Variants in MNS1 observed in about 807,000 individuals in gnomAD.
MNS1 encodes the protein meiosis-specific nuclear structural protein 1.
In MNS1, 63 loss-of-function variants were observed where a neutral mutation model predicts 72.0. That is an observed-to-expected ratio of 0.87 (90% CI 0.71 to 1.08). The LOEUF is 1.08. Ranked by LOEUF, MNS1 falls within the 50% of genes least tolerant of loss-of-function variation. The pLI is 0.00. For missense variants in MNS1, 604 were observed against 562.4 expected, an observed-to-expected ratio of 1.07 and a Z score of -0.75; for synonymous variants, 188 against 172.1, an observed-to-expected ratio of 1.09 and a Z score of -0.72.
intron 3 of MNS1, among the ~76,000 whole-genome samples, chr15:56,452,469 C>T (rs1394953102): frequency 2.0e-5 from 3 of 151,940 alleles, no homozygotes; most frequent in East Asian, 3.9e-4. Flanking sequence ...TCCAGACTCC[C>T]AGAAAGAAAA....
rs200267558 is a variant in MNS1 at position 56,434,144 on chromosome 15, T to C, written c.1263A>G (p.Ala421=). Residue 421 remains alanine (A), a synonymous_variant, in exon 8 of 10, where the codon GCA becomes GCG. Coordinates refer to ENST00000260453, the MANE Select transcript of MNS1 (RefSeq NM_018365.4). ...CCCCACAACTTTTTCTTACTTTGTC[T>C]GCAAGGAATTGTTGGCGACGCTCTT... The part of the protein sequence containing the change: ...LIEERRQQFL[A]DKQRELEEWQ... 423 of 1,609,066 alleles carry C rather than the reference T, an allele frequency of 2.6e-4. 4 individuals are homozygous for C. In the East Asian group the frequency reaches 9.3e-3, roughly 35 times the overall value.
Position 56,456,486 on chromosome 15 carries a change from G to A in MNS1, c.261C>T (p.Leu87=), listed in dbSNP as rs761399786. The A allele has an allele frequency of 1.9e-6, 3 of 1,611,188 alleles. No individual in the cohort carries two copies. The highest frequency in any genetic ancestry group is 2.5e-6 in the Non-Finnish European group (3 of 1,179,022). Residue 87 remains leucine, a synonymous_variant, in exon 3 of 10, where the codon CTC becomes CTT. Transcript: ENST00000260453. ...CCATAGCCAGTTTTTCTTCTTGTTT[G>A]AGCTGGAGTTCTTTCAATCTCTTGT... is the stretch of plus-strand genomic sequence containing the variant. ...EENKRLKELQ[L]KQEEKLAMEL...
intron 7 of MNS1, among the ~76,000 whole-genome samples, chr15:56,440,832 T>G (rs995965128): frequency 6.6e-6 from 1 of 152,202 alleles, no homozygotes; most frequent in East Asian, 1.9e-4. Flanking sequence ...TTTTAATAGC[T>G]GAATAACATT....
rs529820032 is a variant in MNS1, at chr15:56,443,509, C to T, written c.932G>A (p.Arg311Gln). 109 of 1,598,004 alleles carry T rather than the reference C, an allele frequency of 6.8e-5. No homozygotes were observed. Among genetic ancestry groups the T allele is most frequent in the East Asian group, 3.8e-4 (17 of 44,600 alleles). ...ALTQKLEEMLRQREDLEQVRQ... is the reference protein window; with the variant it reads ...ALTQKLEEMLQQREDLEQVRQ... ...CACTTGTTCCAAATCTTCACGTTGC[C>T]GCAGCATTTCTTCTAATTTCTGTGT... is the stretch of plus-strand genomic sequence containing the variant. Residue 311 changes from arginine (R) to glutamine (Q), a missense_variant, in exon 7 of 10, where the codon CGG (arginine) becomes CAG (glutamine). Coordinates refer to ENST00000260453, the MANE Select transcript of MNS1 (RefSeq NM_018365.4).
chr15:56,446,963 C>A lies in MNS1; in HGVS notation c.354-20G>T. ...TCAATGCTGTTTAAAAAAACAAAAA[C>A]AAATTTAAATGTTAGGACCATAAGA... is the stretch of plus-strand genomic sequence containing the variant. On this transcript the variant is annotated intron_variant, in intron 3 of 9. Coordinates refer to ENST00000260453, the MANE Select transcript of MNS1 (RefSeq NM_018365.4). The A allele has an allele frequency of 1.3e-6, 2 of 1,551,224 alleles. No homozygotes were observed. The highest frequency in any genetic ancestry group is 1.8e-6 in the Non-Finnish European group (2 of 1,132,568).
At chr15:56,438,706 C>T (rs1318131832) in intron 7 of MNS1, among the ~76,000 whole-genome samples, 2 of 152,110 alleles carry the variant, frequency 1.3e-5, no homozygotes, top group East Asian at 1.9e-4. Context: ...AGTGAACAGC[C>T]AACCTACAGA....
intron 7 of MNS1, among the ~76,000 whole-genome samples, chr15:56,437,436 C>T (rs1408836267): frequency 6.6e-6 from 1 of 152,108 alleles, no homozygotes; most frequent in Non-Finnish European, 1.5e-5. Context: ...TAAAAACTCT[C>T]AATAAATTAG....
At chr15:56,431,178 A>C (rs1284938361) in intron 9 of MNS1, among the ~76,000 whole-genome samples, 195 bp downstream of exon 9, 4 of 152,174 alleles carry the variant, frequency 2.6e-5, no homozygotes, top group African/African-American at 9.7e-5. Flanking sequence ...TACATCTAAT[A>C]ATGTGCTAAG....
In MNS1 at chr15:56,462,824, C is replaced by T. The variant is rs528806204; in HGVS notation, c.225+1202G>A. Among the ~76,000 whole-genome samples, 9 of 152,200 alleles carry T rather than the reference C, an allele frequency of 5.9e-5. No homozygotes were observed. The East Asian group carries it at 1.7e-3, about 29-fold the overall frequency. ...TATGGTACTCCATGTAAGAAAACAT[C>T]CATATTTTGTTAGATGTACACTTAA... On this transcript the variant is annotated intron_variant, in intron 2 of 9. Coordinates refer to ENST00000260453, the MANE Select transcript of MNS1 (RefSeq NM_018365.4).
chr15:56,435,490 A>T (rs1246746356), intron 7 of MNS1, among the ~76,000 whole-genome samples: 2 of 152,064 alleles, frequency 1.3e-5, no homozygotes, highest in African/African-American at 4.8e-5. Context: ...AACATAGGAT[A>T]TCACTAGAGA....
chr15:56,446,760 A>G, intron 4 of MNS1, 81 bp downstream of exon 4: 2 of 1,034,546 alleles, frequency 1.9e-6, no homozygotes, highest in Non-Finnish European at 2.9e-6. Flanking sequence ...TCTTTATACA[A>G]TATGACAATT....
At chr15:56,432,316 A>C (rs868449599) in intron 8 of MNS1, among the ~76,000 whole-genome samples, 21 of 152,328 alleles carry the variant, frequency 1.4e-4, no homozygotes, top group African/African-American at 5.1e-4. Context: ...TTATCCATTT[A>C]GGACAAATTC....
At position 56,443,855 on chromosome 15, in the gene MNS1, C is replaced by T; in HGVS notation, c.687-1G>A. ...TTTTTCTAACTTTTGTTGTTTTTCC[C>T]TGAAAAGCAATAACAAGTACAGATT... On this transcript the variant is annotated splice_acceptor_variant, in intron 5 of 9. Transcript: ENST00000260453. LOFTEE classifies it high-confidence loss of function. 1 of 1,590,716 alleles carries T rather than the reference C, an allele frequency of 6.3e-7. No individual in the cohort carries two copies. The highest frequency in any genetic ancestry group is 1.2e-5 in the South Asian group (1 of 85,534).
intron 4 of MNS1, among the ~76,000 whole-genome samples, chr15:56,445,423 C>G (rs1344254404): frequency 6.6e-6 from 1 of 151,816 alleles, no homozygotes; most frequent in Admixed American, 6.6e-5. Flanking sequence ...TGATCACATC[C>G]CGAATGATGG....
intron 2 of MNS1, among the ~76,000 whole-genome samples, chr15:56,462,993 A>G (rs1470707719): frequency 1.3e-5 from 2 of 152,202 alleles, no homozygotes; most frequent in African/African-American, 4.8e-5. Context: ...TTGAATTTGG[A>G]ACACAGAAGG....
intron 3 of MNS1, among the ~76,000 whole-genome samples, chr15:56,448,751 C>CTTTTT (rs34366643): frequency 8.5e-6 from 1 of 117,678 alleles, no homozygotes; most frequent in East Asian, 2.3e-4. Flanking sequence ...TTTTTAGATT[C>CTTTTT]TTTTTTTTTT....
At chr15:56,442,320 C>T (rs1033682423) in intron 7 of MNS1, among the ~76,000 whole-genome samples, 8 of 152,026 alleles carry the variant, frequency 5.3e-5, no homozygotes, top group Admixed American at 2.6e-4. Flanking sequence ...AGCACTGTGG[C>T]GACTCCCCAA....
At position 56,443,616 on chromosome 15, in the gene MNS1, AAAG is replaced by A. The variant is rs2050855921; in HGVS notation, c.903+19_903+21del. The A allele has an allele frequency of 1.9e-6, 3 of 1,604,716 alleles. No homozygotes were observed. The highest frequency in any genetic ancestry group is 2.2e-5 in the East Asian group (1 of 44,756). Reference sequence around the variant, plus strand: ...AATATTTCAGAATTTTACTAGTGTTAAAGAAGTGGTTATTTTAATACCGCATTC... The same window carrying A: ...AATATTTCAGAATTTTACTAGTGTTAAAGTGGTTATTTTAATACCGCATTC... On this transcript the variant is annotated intron_variant, in intron 6 of 9. Coordinates refer to ENST00000260453, the MANE Select transcript of MNS1 (RefSeq NM_018365.4).
chr15:56,443,492 C>A lies in MNS1; in HGVS notation c.949G>T (p.Glu317Ter). The change falls in exon 7 of 10, where the codon GAA becomes TAA. Residue 317 changes from glutamate (E) to a stop codon, truncating the protein, a stop_gained. Transcript: ENST00000260453. LOFTEE classifies it high-confidence loss of function. ...TGGTATAATTCTTGTCGCACTTGTT[C>A]CAAATCTTCACGTTGCCGCAGCATT... ...EEMLRQREDL[E>*]QVRQELYQEE... 6.2e-7 allele frequency: 1 copy of A among 1,600,730 alleles called. No homozygotes were observed. The highest frequency in any genetic ancestry group is 1.2e-5 in the South Asian group (1 of 86,674).
Sources: allele counts gnomAD v4.1 joint callset (sites outside exome capture counted in the v4.1 genomes callset), GRCh38; gene constraint gnomAD v4.1.1; transcripts MANE v1.5; gene names NCBI Gene and HGNC (gene_info 2026-07-23, HGNC 2026-07-21).